RPS6KC1: variants seen among roughly 807,000 people sequenced by gnomAD.
The protein encoded by RPS6KC1 is ribosomal protein S6 kinase C1.
A neutral mutation model predicts 103.8 loss-of-function variants in RPS6KC1; 54 were observed. The ratio of observed to expected loss-of-function variants is 0.52; its 90% CI spans 0.42 to 0.65. The LOEUF (loss-of-function observed/expected upper bound fraction) is 0.65. Ranked by LOEUF, RPS6KC1 falls within the 30% of genes least tolerant of loss-of-function variation. The probability of loss-of-function intolerance (pLI) is 0.00; values close to 1 mark genes in which losing one functional copy is unlikely to be tolerated. For missense variants in RPS6KC1, 1,151 were observed against 1,253.8 expected (o/e 0.92, Z 1.24); for synonymous variants, 439 against 438.7 (o/e 1.00, Z -0.01).
intron 6 of RPS6KC1, among the ~76,000 whole-genome samples, chr1:213,165,103 A>G (rs1251958364): frequency 6.6e-6 from 1 of 151,446 alleles, no homozygotes; most frequent in Non-Finnish European, 1.5e-5. Flanking sequence ...TTTTTCTGGT[A>G]CTGACAAACC....
In RPS6KC1 at chr1:213,230,547, A is replaced by G; in HGVS notation, c.1092+3A>G. 1 of 1,604,440 alleles carries G rather than the reference A, an allele frequency of 6.2e-7. No homozygotes were observed. The highest frequency in any genetic ancestry group is 8.5e-7 in the Non-Finnish European group (1 of 1,174,910). On this transcript the variant is annotated splice_donor_region_variant and intron_variant, in intron 9 of 14. Transcript: ENST00000366960. Reference sequence around the variant, plus strand: ...CAGAACAGACTTTCATTTTAAAAGTAAGTAAAATTTGTAGCCAGGCGCGGT... The same window carrying G: ...CAGAACAGACTTTCATTTTAAAAGTGAGTAAAATTTGTAGCCAGGCGCGGT...
At chr1:213,182,200 A>G (rs1558490757) in intron 8 of RPS6KC1, among the ~76,000 whole-genome samples, 1 of 152,208 alleles carries the variant, frequency 6.6e-6, no homozygotes, top group Non-Finnish European at 1.5e-5. Flanking sequence ...ACACTAAAAA[A>G]TGCTATATAG....
the RPS6KC1 span, among the ~76,000 whole-genome samples, chr1:213,610,747 C>G: frequency 6.6e-6 from 1 of 152,186 alleles, no homozygotes; most frequent in Non-Finnish European, 1.5e-5. Flanking sequence ...TGTCGGCTGA[C>G]CACACATGTG....
chr1:213,280,511 G>C, the RPS6KC1 span, among the ~76,000 whole-genome samples: 2 of 152,194 alleles, frequency 1.3e-5, no homozygotes, highest in Non-Finnish European at 2.9e-5. Flanking sequence ...AAAGATACCA[G>C]AATGTTCTCA....
At chr1:213,429,785 A>G in the RPS6KC1 span, among the ~76,000 whole-genome samples, 3 of 152,204 alleles carry the variant, frequency 2.0e-5, no homozygotes, top group Admixed American at 6.5e-5. Context: ...TCATGCTAAT[A>G]CCCAGATAAT....
the RPS6KC1 span, among the ~76,000 whole-genome samples, chr1:213,509,573 G>A: frequency 2.1e-3 from 314 of 152,210 alleles, 2 homozygotes; most frequent in African/African-American, 7.2e-3. Flanking sequence ...GAACAAATGC[G>A]AAGTCTTTAC....
chr1:213,660,129 G>A, the RPS6KC1 span, among the ~76,000 whole-genome samples: 706 of 152,314 alleles, frequency 4.6e-3, 2 homozygotes, highest in African/African-American at 0.016. Context: ...TATTAGCTTG[G>A]CTACAGGAGC....
chr1:213,151,772 GCGGGGGGCTGACCCCCC>G (rs1235504922), intron 6 of RPS6KC1, among the ~76,000 whole-genome samples: 1 of 136,658 alleles, frequency 7.3e-6, no homozygotes, highest in Admixed American at 6.9e-5. Flanking sequence ...GGCTGGCCTG[GCGGGGGGCTGACCCCCC>G]CCACCTCCCT....
At chr1:213,416,314 G>A in the RPS6KC1 span, among the ~76,000 whole-genome samples, 1 of 152,250 alleles carries the variant, frequency 6.6e-6, no homozygotes, top group Admixed American at 6.5e-5. Flanking sequence ...TGGTGACTGA[G>A]TCATCTTGCC....
At chr1:213,588,502 T>C in the RPS6KC1 span, among the ~76,000 whole-genome samples, 7 of 152,226 alleles carry the variant, frequency 4.6e-5, no homozygotes, top group East Asian at 9.6e-4. Flanking sequence ...GGTTTCACTA[T>C]GTTAGCCAGG....
chr1:213,796,052 C>T, the RPS6KC1 span, among the ~76,000 whole-genome samples: 164 of 152,258 alleles, frequency 1.1e-3, 1 homozygote, highest in Middle Eastern at 0.017. Context: ...CACATTACGG[C>T]CTGTAGTAAA....
chr1:213,452,336 A>G, the RPS6KC1 span, among the ~76,000 whole-genome samples: 2 of 126,898 alleles, frequency 1.6e-5, no homozygotes, highest in African/African-American at 3.0e-5. Flanking sequence ...CATAACTAGG[A>G]AAAAAAAAAA....
At chr1:213,399,403 C>A in the RPS6KC1 span, among the ~76,000 whole-genome samples, 13 of 152,082 alleles carry the variant, frequency 8.5e-5, no homozygotes, top group Non-Finnish European at 1.8e-4. Flanking sequence ...AGATCCTTGG[C>A]CTCTTCCAGA....
chr1:213,650,155 T>G, the RPS6KC1 span, among the ~76,000 whole-genome samples: 1 of 152,142 alleles, frequency 6.6e-6, no homozygotes, highest in African/African-American at 2.4e-5. Context: ...AACCAGAGGG[T>G]GCTTACTGAC....
the RPS6KC1 span, among the ~76,000 whole-genome samples, chr1:213,456,069 A>G: frequency 1.3e-5 from 2 of 152,150 alleles, no homozygotes; most frequent in South Asian, 4.1e-4. Flanking sequence ...GTGCCATCAG[A>G]GACCCATAGC....
chr1:213,199,739 A>G (rs2093085260), intron 8 of RPS6KC1, among the ~76,000 whole-genome samples: 3 of 152,230 alleles, frequency 2.0e-5, no homozygotes, highest in South Asian at 2.1e-4. Context: ...AGAAAACCCC[A>G]TAGTCTCAGC....
At chr1:213,304,821 G>A in the RPS6KC1 span, among the ~76,000 whole-genome samples, 21 of 152,186 alleles carry the variant, frequency 1.4e-4, 1 homozygote, top group South Asian at 8.3e-4. Context: ...GAATATAGGC[G>A]TGAGCCAGCA....
chr1:213,062,484 CT>C (rs1231373268), intron 1 of RPS6KC1, among the ~76,000 whole-genome samples: 3 of 152,014 alleles, frequency 2.0e-5, no homozygotes, highest in Non-Finnish European at 4.4e-5. Context: ...AAAAATACAG[CT>C]TTTTGTATAT....
the RPS6KC1 span, among the ~76,000 whole-genome samples, chr1:213,337,982 G>T: frequency 3.3e-5 from 5 of 152,188 alleles, no homozygotes; most frequent in Admixed American, 2.6e-4. Flanking sequence ...GGAGTGGCGT[G>T]TGTGTCTGCA....
Sources: allele counts gnomAD v4.1 joint callset (sites outside exome capture counted in the v4.1 genomes callset), GRCh38; gene constraint gnomAD v4.1.1; transcripts MANE v1.5; gene names NCBI Gene and HGNC (gene_info 2026-07-23, HGNC 2026-07-21).